Variants in PLSCR4 observed in about 807,000 individuals in gnomAD.
PLSCR4 encodes phospholipid scramblase 4, also known as Ca(2+)-dependent phospholipid scramblase 4.
PLSCR4 carries 25 observed loss-of-function variants against 36.3 expected under a neutral mutation model. The observed-to-expected ratio is 0.69, with a 90% CI of 0.50 to 0.96. The LOEUF (loss-of-function observed/expected upper bound fraction) is 0.96, where lower values mean the gene tolerates loss of function less well. Among genes scored for constraint, PLSCR4 ranks in the 40% least tolerant of loss-of-function variants. PLSCR4 has a pLI of 0.00. For synonymous variants in PLSCR4, 122 were observed against 132.9 expected, an observed-to-expected ratio of 0.92 and a Z score of 0.56; for missense variants, 408 against 414.7, an observed-to-expected ratio of 0.98 and a Z score of 0.14.
intron 1 of PLSCR4, among the ~76,000 whole-genome samples, chr3:146,224,249 T>G (rs899540668): frequency 1.3e-5 from 2 of 152,182 alleles, no homozygotes; most frequent in African/African-American, 4.8e-5. Flanking sequence ...AATAAATAAA[T>G]TCTGGTACAT....
chr3:146,229,728 C>A (rs2035630271), intron 1 of PLSCR4, among the ~76,000 whole-genome samples: 1 of 151,670 alleles, frequency 6.6e-6, no homozygotes, highest in African/African-American at 2.4e-5. Flanking sequence ...GGGTCCACGC[C>A]ATTCTCCTGC....
At chr3:146,231,740 A>G (rs1031038852) in intron 1 of PLSCR4, among the ~76,000 whole-genome samples, 5 of 152,082 alleles carry the variant, frequency 3.3e-5, no homozygotes, top group African/African-American at 1.2e-4. Context: ...TAAATTCCTT[A>G]CAGATTCTGA....
intron 7 of PLSCR4, among the ~76,000 whole-genome samples, chr3:146,195,717 C>T (rs2033700076): frequency 6.6e-6 from 1 of 152,142 alleles, no homozygotes; most frequent in Admixed American, 6.5e-5. Flanking sequence ...AATATACGGC[C>T]AGATACCAAC....
At chr3:146,196,127 A>C (rs1559895799) in intron 7 of PLSCR4, among the ~76,000 whole-genome samples, 1 of 152,202 alleles carries the variant, frequency 6.6e-6, no homozygotes, top group Non-Finnish European at 1.5e-5. Flanking sequence ...TTTATTGAAA[A>C]AAATGTTAAA....
At chr3:146,222,763 G>A (rs946382735) in intron 1 of PLSCR4, among the ~76,000 whole-genome samples, 13 of 152,188 alleles carry the variant, frequency 8.5e-5, no homozygotes, top group African/African-American at 3.1e-4. Context: ...TTCAGTCGGT[G>A]GAGTGATCAG....
intron 7 of PLSCR4, among the ~76,000 whole-genome samples, chr3:146,196,130 A>G (rs1212045061): frequency 1.3e-5 from 2 of 152,196 alleles, no homozygotes; most frequent in Non-Finnish European, 2.9e-5. Flanking sequence ...ATTGAAAAAA[A>G]TGTTAAAACT....
intron 1 of PLSCR4, among the ~76,000 whole-genome samples, chr3:146,222,859 C>A (rs1365901026): frequency 2.0e-5 from 3 of 152,036 alleles, no homozygotes; most frequent in South Asian, 2.1e-4. Context: ...AGAGCTGACA[C>A]CAGCTTAGAT....
intron 1 of PLSCR4, among the ~76,000 whole-genome samples, chr3:146,229,108 T>A (rs958098031): frequency 6.6e-6 from 1 of 152,208 alleles, no homozygotes; most frequent in Non-Finnish European, 1.5e-5. Flanking sequence ...TAGTATTGCA[T>A]AATAGAGAAT....
chr3:146,225,539 C>A (rs896661201), intron 1 of PLSCR4, among the ~76,000 whole-genome samples: 2 of 152,196 alleles, frequency 1.3e-5, no homozygotes, highest in Non-Finnish European at 2.9e-5. Context: ...GGGTGGGAGG[C>A]TCAGGCATGG....
In PLSCR4 at chr3:146,251,061, A is replaced by C. The variant is rs2036532417; in HGVS notation, c.-123T>G. ...GAAAGGAGGCAGGGAAGGGAGACGG[A>C]GAGGATTTTTCAAGTTATAAACAAA... On this transcript the variant is annotated 5_prime_UTR_variant, in exon 1 of 9. Coordinates refer to ENST00000354952, the MANE Select transcript of PLSCR4 (RefSeq NM_020353.3). 1 of 152,686 alleles carries C rather than the reference A, an allele frequency of 6.5e-6. No individual in the cohort carries two copies. The highest frequency in any genetic ancestry group is 2.4e-5 in the African/African-American group (1 of 41,448). The allele number at this position is 152,686 out of a possible 1,614,324, so 9.5% of individuals were successfully genotyped here. A position where few individuals can be genotyped will look rare whatever the true frequency, so the allele number is the denominator to read the frequency against.
Position 146,201,771 on chromosome 3 carries a change from T to G in PLSCR4, c.355-694A>C, listed in dbSNP as rs1218577597. On this transcript the variant is annotated intron_variant, in intron 4 of 8. Transcript: ENST00000354952. Reference sequence around the variant, plus strand: ...AAAAGGACGGCTGGGTATATACCATTAGAGAAATTTCTATCTTAGGAATCA... The same window carrying G: ...AAAAGGACGGCTGGGTATATACCATGAGAGAAATTTCTATCTTAGGAATCA... Among the ~76,000 whole-genome samples the G allele has an allele frequency of 2.0e-5, 3 of 152,090 alleles. No homozygotes were observed. In the East Asian group the frequency reaches 5.8e-4, roughly 29 times the overall value.
intron 4 of PLSCR4, among the ~76,000 whole-genome samples, chr3:146,204,404 T>A (rs753041387): frequency 1.3e-5 from 2 of 152,100 alleles, no homozygotes; most frequent in Admixed American, 1.3e-4. Flanking sequence ...ATTAGGCACA[T>A]TGTGACCCTT....
chr3:146,196,811 A>G lies in PLSCR4; in HGVS notation c.625-18T>C, dbSNP rs769846471. 6.2e-7 allele frequency: 1 copy of G among 1,612,592 alleles called. No homozygotes were observed. Among genetic ancestry groups the G allele is most frequent in the Admixed American group, 1.7e-5 (1 of 59,838 alleles). ...ACCTCCAGCTGCAAACAAAACAGTG[A>G]CAGAAGTTAGGATGCTACATGCATA... On this transcript the variant is annotated intron_variant, in intron 6 of 8. Transcript: ENST00000354952.
At chr3:146,243,100 C>G (rs911015868) in intron 1 of PLSCR4, among the ~76,000 whole-genome samples, 1 of 152,066 alleles carries the variant, frequency 6.6e-6, no homozygotes. Flanking sequence ...ACACTTGGAC[C>G]ATTTTCAGAA....
At chr3:146,230,625 G>A (rs562078758) in intron 1 of PLSCR4, among the ~76,000 whole-genome samples, 13 of 152,240 alleles carry the variant, frequency 8.5e-5, no homozygotes, top group Non-Finnish European at 1.3e-4. Flanking sequence ...CAGAGAGAGC[G>A]AGGAGGAGCA....
At position 146,227,142 on chromosome 3, in the gene PLSCR4, G is replaced by GT. The variant is rs1427559560; in HGVS notation, c.-21-5051dup. Among the ~76,000 whole-genome samples, 6 of 152,232 alleles carry GT rather than the reference G, an allele frequency of 3.9e-5. No homozygotes were observed. The South Asian group carries it at 1.2e-3, about 32-fold the overall frequency. On this transcript the variant is annotated intron_variant, in intron 1 of 8. Coordinates refer to ENST00000354952, the MANE Select transcript of PLSCR4 (RefSeq NM_020353.3). ...TCACTTAGCAACAGCAAAAAGTGCCGTATCTTGAAAAAATTGATTTTTGGC... is the reference window on the plus strand; with the variant it reads ...TCACTTAGCAACAGCAAAAAGTGCCGTTATCTTGAAAAAATTGATTTTTGGC...
intron 3 of PLSCR4, among the ~76,000 whole-genome samples, chr3:146,220,271 GCACT>G (rs1483917079): frequency 5.3e-5 from 8 of 152,090 alleles, no homozygotes; most frequent in Non-Finnish European, 1.0e-4. Flanking sequence ...CACCAGTAGT[GCACT>G]CAGACTTACA....
At chr3:146,212,412 G>C (rs368790666) in intron 3 of PLSCR4, among the ~76,000 whole-genome samples, 1 of 147,802 alleles carries the variant, frequency 6.8e-6, no homozygotes, top group South Asian at 2.1e-4. Flanking sequence ...TGCTGTTTGT[G>C]GGTATATATG....
At chr3:146,222,994 C>T (rs1406884143) in intron 1 of PLSCR4, among the ~76,000 whole-genome samples, 1 of 151,880 alleles carries the variant, frequency 6.6e-6, no homozygotes, top group Non-Finnish European at 1.5e-5. Context: ...AGTCATAGCC[C>T]AAGGTAACTG....
Sources: gnomAD v4.1 joint callset for allele counts (sites outside exome capture counted in the v4.1 genomes callset) on GRCh38, gnomAD v4.1.1 for gene constraint, MANE v1.5 for transcripts, NCBI Gene and HGNC (gene_info 2026-07-23, HGNC 2026-07-21) for gene names.